Variants in NIPAL2 observed in about 807,000 individuals in gnomAD.
NIPAL2 encodes the protein NIPA like domain containing 2.
In NIPAL2, 43 loss-of-function variants were observed where a neutral mutation model predicts 48.9. That is an observed-to-expected ratio of 0.88 (90% CI 0.69 to 1.13). The LOEUF is 1.13. NIPAL2 is among the 50% of genes most tolerant of loss of function. The pLI is 0.00. For synonymous variants in NIPAL2, 167 were observed against 174.6 expected, an observed-to-expected ratio of 0.96 and a Z score of 0.34; for missense variants, 446 against 461.4, an observed-to-expected ratio of 0.97 and a Z score of 0.31.
intron 1 of NIPAL2, among the ~76,000 whole-genome samples, chr8:98,287,780 G>A (rs896345972): frequency 1.3e-5 from 2 of 152,048 alleles, no homozygotes; most frequent in Non-Finnish European, 2.9e-5. Flanking sequence ...GAGAAACTTG[G>A]CAACACATCC....
chr8:98,241,520 G>A (rs1328657787), intron 3 of NIPAL2, among the ~76,000 whole-genome samples: 1 of 152,126 alleles, frequency 6.6e-6, no homozygotes, highest in African/African-American at 2.4e-5. Flanking sequence ...TAGTAATTCT[G>A]CATCTGTGAA....
Position 98,192,988 on chromosome 8 carries a change from T to A in NIPAL2, c.1142A>T (p.Lys381Ile). The change falls in exon 11 of 11, where the codon AAA (lysine) becomes ATA (isoleucine). Residue 381 changes from lysine (K) to isoleucine (I), a missense_variant. Physicochemically the swap from Lys to Ile is moderately radical, Grantham distance 102 (BLOSUM62 -3). Coordinates refer to ENST00000430223, the MANE Select transcript of NIPAL2 (RefSeq NM_001321635.2). ...DSTKSQSGEKKEV is the reference protein window; with the variant it reads ...DSTKSQSGEKIEV ...CATCCTTCTCAGCATTTAGACCTCT[T>A]TCTTCTCTCCACTTTGGCTCTTTGT... The A allele has an allele frequency of 6.2e-7, 1 of 1,610,352 alleles. No homozygotes were observed. Among genetic ancestry groups the A allele is most frequent in the South Asian group, 1.1e-5 (1 of 91,012 alleles).
chr8:98,195,938 T>G lies in NIPAL2; in HGVS notation c.944+4A>C, dbSNP rs1810522290. Reference sequence around the variant, plus strand: ...CATGCTTTACCTCTGAGACATTTACTCACCCAAAAAGATATATAAATACAG... The same window carrying G: ...CATGCTTTACCTCTGAGACATTTACGCACCCAAAAAGATATATAAATACAG... On this transcript the variant is annotated splice_donor_region_variant and intron_variant, in intron 9 of 10. Coordinates refer to ENST00000430223, the MANE Select transcript of NIPAL2 (RefSeq NM_001321635.2). 1.3e-6 allele frequency: 2 copies of G among 1,562,738 alleles called. No individual in the cohort carries two copies. Among genetic ancestry groups the G allele is most frequent in the Admixed American group, 1.7e-5 (1 of 57,342 alleles).
intron 4 of NIPAL2, among the ~76,000 whole-genome samples, chr8:98,223,046 G>T (rs1443674897): frequency 2.6e-5 from 4 of 152,174 alleles, no homozygotes; most frequent in African/African-American, 9.7e-5. Flanking sequence ...ATGATGATCT[G>T]CTCTACACTC....
intron 1 of NIPAL2, among the ~76,000 whole-genome samples, chr8:98,255,025 A>G (rs1337135086): frequency 6.6e-6 from 1 of 152,220 alleles, no homozygotes; most frequent in East Asian, 1.9e-4. Flanking sequence ...AAATTCTCTG[A>G]GGGAAAAGAA....
intron 1 of NIPAL2, among the ~76,000 whole-genome samples, chr8:98,260,679 C>G (rs1000878616): frequency 1.6e-4 from 24 of 152,322 alleles, no homozygotes; most frequent in African/African-American, 5.3e-4. Flanking sequence ...GATCAAACTG[C>G]AAGGCGGCAG....
chr8:98,260,134 A>G (rs1164644980), intron 1 of NIPAL2, among the ~76,000 whole-genome samples: 6 of 152,206 alleles, frequency 3.9e-5, no homozygotes, highest in Non-Finnish European at 7.3e-5. Context: ...AGAGGCAGCA[A>G]GCTATTGTAA....
At chr8:98,196,900 A>G (rs1161535359) in intron 8 of NIPAL2, among the ~76,000 whole-genome samples, 3 of 152,228 alleles carry the variant, frequency 2.0e-5, no homozygotes, top group Non-Finnish European at 2.9e-5. Flanking sequence ...AACTTCTTAC[A>G]GGAAGAAGCC....
intron 2 of NIPAL2, 99 bp from the exon 3 acceptor site, chr8:98,252,733 G>T: frequency 1.0e-6 from 1 of 989,880 alleles, no homozygotes; most frequent in East Asian, 3.0e-5. Context: ...TTATAAGAAC[G>T]CTAATTTATT....
intron 4 of NIPAL2, among the ~76,000 whole-genome samples, chr8:98,227,208 A>T (rs551179012): frequency 1.3e-5 from 2 of 152,240 alleles, no homozygotes; most frequent in South Asian, 4.1e-4. Context: ...CAAGACCTGG[A>T]ATCAGGGACC....
chr8:98,190,325 GT>G lies in NIPAL2; in HGVS notation c.*2652del. 1 of 167,260 alleles carries G rather than the reference GT, an allele frequency of 6.0e-6. No homozygotes were observed. The highest frequency in any genetic ancestry group is 1.3e-5 in the Non-Finnish European group (1 of 79,660). The allele number at this position is 167,260 out of a possible 1,614,324, so 10.4% of individuals were successfully genotyped here. Reference sequence around the variant, plus strand: ...ACTGGCCACTTGTTTTTGTTTGTTTGTTTGTTTGTTTGTTTTTGAGACAGTC... The same window carrying G: ...ACTGGCCACTTGTTTTTGTTTGTTTGTTGTTTGTTTGTTTTTGAGACAGTC... On this transcript the variant is annotated 3_prime_UTR_variant, in exon 11 of 11. Transcript: ENST00000430223.
intron 3 of NIPAL2, among the ~76,000 whole-genome samples, chr8:98,244,082 C>T (rs574251760): frequency 6.6e-6 from 1 of 151,890 alleles, no homozygotes; most frequent in African/African-American, 2.4e-5. Flanking sequence ...TTATACTTTA[C>T]TCAAATGTGA....
At chr8:98,193,598 C>T (rs1810398781) in intron 10 of NIPAL2, among the ~76,000 whole-genome samples, 1 of 152,090 alleles carries the variant, frequency 6.6e-6, no homozygotes. Flanking sequence ...GCAGGCGAAT[C>T]ATTTGAGGTC....
At chr8:98,194,948 G>A (rs1810476902) in intron 9 of NIPAL2, 126 bp from the exon 10 acceptor site, 1 of 511,658 alleles carries the variant, frequency 2.0e-6, no homozygotes, top group South Asian at 5.2e-5. Context: ...GTTTCTCATG[G>A]TAAGCTTCCT....
chr8:98,247,818 G>A (rs376613604), intron 3 of NIPAL2, among the ~76,000 whole-genome samples: 27 of 152,316 alleles, frequency 1.8e-4, no homozygotes, highest in African/African-American at 6.3e-4. Context: ...AGAAGGATTA[G>A]CAGCAGTTTG....
At chr8:98,281,791 A>G (rs1208081810) in intron 1 of NIPAL2, among the ~76,000 whole-genome samples, 1 of 152,332 alleles carries the variant, frequency 6.6e-6, no homozygotes, top group African/African-American at 2.4e-5. Flanking sequence ...TAGGGTAGGG[A>G]CTGTACTTGT....
At chr8:98,255,105 T>A (rs986660809) in intron 1 of NIPAL2, among the ~76,000 whole-genome samples, 1 of 152,218 alleles carries the variant, frequency 6.6e-6, no homozygotes, top group Non-Finnish European at 1.5e-5. Flanking sequence ...CATCTACTGC[T>A]ATATAAAATT....
chr8:98,266,451 A>T (rs1814749248), intron 1 of NIPAL2, among the ~76,000 whole-genome samples: 1 of 151,828 alleles, frequency 6.6e-6, no homozygotes, highest in African/African-American at 2.4e-5. Flanking sequence ...AAATATAAAA[A>T]ATTAGCCAGG....
rs866316250 is a variant in NIPAL2 at position 98,294,165 on chromosome 8, C to T, written c.-28G>A. The T allele has an allele frequency of 2.2e-6, 3 of 1,333,510 alleles. No individual in the cohort carries two copies. Among genetic ancestry groups the T allele is most frequent in the Non-Finnish European group, 2.9e-6 (3 of 1,043,540 alleles). 82.6% of individuals were successfully genotyped at this position (1,333,510 alleles called of 1,614,324 possible). A position where few individuals can be genotyped will look rare whatever the true frequency, so the allele number is the denominator to read the frequency against. On this transcript the variant is annotated 5_prime_UTR_variant, in exon 1 of 11. Transcript: ENST00000430223. Reference sequence around the variant, plus strand: ...GGTCTCGCTCCCGGCGCTCGGGCTCCGGCTCGGGCTGCGGCCGCCTCCCCG... The same window carrying T: ...GGTCTCGCTCCCGGCGCTCGGGCTCTGGCTCGGGCTGCGGCCGCCTCCCCG...
Sources: gnomAD v4.1 joint callset for allele counts (sites outside exome capture counted in the v4.1 genomes callset) on GRCh38, gnomAD v4.1.1 for gene constraint, MANE v1.5 for transcripts, NCBI Gene and HGNC (gene_info 2026-07-23, HGNC 2026-07-21) for gene names.